Variants in DNAH9 observed in about 807,000 individuals in gnomAD.
DNAH9 encodes the protein DNAH9 variant protein.
DNAH9 carries 345 observed loss-of-function variants against 471.6 expected under a neutral mutation model. The observed-to-expected ratio is 0.73, with a 90% CI of 0.67 to 0.80. The LOEUF (loss-of-function observed/expected upper bound fraction) is 0.80. DNAH9 is among the 30% of genes least tolerant of loss of function. The probability of loss-of-function intolerance (pLI) is 0.00; values close to 1 mark genes in which losing one functional copy is unlikely to be tolerated. For synonymous variants in DNAH9, 2,093 were observed against 2,123.6 expected (o/e 0.99, Z 0.40); for missense variants, 5,407 against 5,609.2 (o/e 0.96, Z 1.15).
At chr17:11,609,504 C>T (rs2072583808) in intron 2 of DNAH9, among the ~76,000 whole-genome samples, 1 of 152,168 alleles carries the variant, frequency 6.6e-6, no homozygotes, top group Non-Finnish European at 1.5e-5. Context: ...GAATGGGTGT[C>T]TTCTTCCTTT....
chr17:11,831,504 C>T (rs1207208532), intron 48 of DNAH9, among the ~76,000 whole-genome samples: 2 of 152,070 alleles, frequency 1.3e-5, no homozygotes, highest in African/African-American at 2.4e-5. Flanking sequence ...CCACCTCCAA[C>T]ATAGGGGATC....
rs530049008 is a variant in DNAH9 at position 11,881,837 on chromosome 17, G to A, written c.10806+424G>A. Among the ~76,000 whole-genome samples the A allele has an allele frequency of 1.2e-4, 19 of 152,184 alleles. No homozygotes were observed. In the East Asian group the frequency reaches 1.4e-3, roughly 11 times the overall value. On this transcript the variant is annotated intron_variant, in intron 55 of 68. Transcript: ENST00000262442. ...TGAGGCAGGAGAATCTCTTGAACCC[G>A]GGAGACGGAGGTTGCAGTGAGCCAA...
At position 11,611,688 on chromosome 17, in the gene DNAH9, C is replaced by G; in HGVS notation, c.812C>G (p.Thr271Arg). 6.2e-7 allele frequency: 1 copy of G among 1,613,870 alleles called. No individual in the cohort carries two copies. Among genetic ancestry groups the G allele is most frequent in the Non-Finnish European group, 8.5e-7 (1 of 1,179,728 alleles). ...DLKYIYNQLR[T>R]ITVRGMAKLL... ...AAATACATCTATAATCAACTGAGAA[C>G]AATAACGGTGAGGGGCATGGCCAAG... Residue 271 changes from threonine (T) to arginine (R), a missense_variant, in exon 4 of 69, where the codon ACA becomes AGA. Thr to Arg is a moderately conservative substitution (Grantham distance 71, BLOSUM62 -1). Around this residue, in one of 3 missense-constraint regions of DNAH9, gnomAD observed 767 missense variants for 692.5 expected, o/e 1.11. Coordinates refer to ENST00000262442, the MANE Select transcript of DNAH9 (RefSeq NM_001372.4).
In DNAH9 at chr17:11,669,753, C is replaced by T; in HGVS notation, c.3312C>T (p.Ser1104=). The change falls in exon 17 of 69, where the codon AGC becomes AGT. Residue 1104 remains serine, a synonymous_variant. Transcript: ENST00000262442. ...TGCTGAATATTATTAAGAGGTGGAG[C>T]CTCCTGTTCAAACAGCATCTTGTGG... ...ASLLNIIKRW[S]LLFKQHLVDH... 1 of 1,614,118 alleles carries T rather than the reference C, an allele frequency of 6.2e-7. No homozygotes were observed.
intron 45 of DNAH9, 106 bp from the exon 46 acceptor site, chr17:11,821,814 C>A: frequency 1.5e-6 from 2 of 1,300,794 alleles, no homozygotes; most frequent in Non-Finnish European, 1.1e-6. Flanking sequence ...TGGTACATGG[C>A]CTAAAAACCA....
intron 30 of DNAH9, among the ~76,000 whole-genome samples, chr17:11,744,143 G>C (rs1051468583): frequency 1.3e-5 from 2 of 152,104 alleles, no homozygotes; most frequent in African/African-American, 4.8e-5. Flanking sequence ...GGTAGCATTT[G>C]TCATGGCTCT....
At chr17:11,679,329 A>G (rs947755320) in intron 17 of DNAH9, among the ~76,000 whole-genome samples, 3 of 152,344 alleles carry the variant, frequency 2.0e-5, no homozygotes, top group Non-Finnish European at 4.4e-5. Context: ...TTCTTTTCAC[A>G]AAGCAATGCT....
chr17:11,820,572 C>T (rs1970272233), intron 45 of DNAH9, among the ~76,000 whole-genome samples: 1 of 152,142 alleles, frequency 6.6e-6, no homozygotes, highest in Admixed American at 6.5e-5. Flanking sequence ...ATATATTCAA[C>T]AGAAATTTTT....
chr17:11,700,506 CTTTA>C (rs1213856991), intron 23 of DNAH9, among the ~76,000 whole-genome samples: 2 of 152,128 alleles, frequency 1.3e-5, no homozygotes, highest in African/African-American at 2.4e-5. Flanking sequence ...ATAAGCCTTT[CTTTA>C]TTTATTTATC....
intron 57 of DNAH9, among the ~76,000 whole-genome samples, chr17:11,889,773 G>GA (rs1972993079): frequency 6.6e-6 from 1 of 152,144 alleles, no homozygotes; most frequent in South Asian, 2.1e-4. Flanking sequence ...GTAAAAAGAT[G>GA]AAAAATACCA....
At chr17:11,879,673 T>A (rs992374388) in intron 53 of DNAH9, among the ~76,000 whole-genome samples, 11 of 152,114 alleles carry the variant, frequency 7.2e-5, no homozygotes, top group African/African-American at 2.7e-4. Context: ...TCATTTAAAA[T>A]TACATGGAAG....
intron 33 of DNAH9, among the ~76,000 whole-genome samples, chr17:11,754,074 G>T (rs931747936): frequency 3.3e-5 from 5 of 151,878 alleles, no homozygotes; most frequent in African/African-American, 1.2e-4. Context: ...TGTAGCATTT[G>T]GTCTTCTGTT....
chr17:11,847,413 A>G (rs1597728519), intron 49 of DNAH9, among the ~76,000 whole-genome samples: 1 of 152,268 alleles, frequency 6.6e-6, no homozygotes, highest in East Asian at 1.9e-4. Context: ...GTCCAGTTTT[A>G]ATCTTCTACA....
intron 49 of DNAH9, among the ~76,000 whole-genome samples, chr17:11,845,468 G>A (rs1971188769): frequency 6.6e-6 from 1 of 150,928 alleles, no homozygotes; most frequent in African/African-American, 2.5e-5. Flanking sequence ...ATAAACATAC[G>A]TGTGCATGTG....
At chr17:11,668,820 A>G (rs961214530) in intron 15 of DNAH9, among the ~76,000 whole-genome samples, 1 of 152,136 alleles carries the variant, frequency 6.6e-6, no homozygotes, top group South Asian at 2.1e-4. Context: ...ATCCTGCAGT[A>G]CCCAGGAGAG....
chr17:11,912,043 G>A (rs1326089598), intron 61 of DNAH9, among the ~76,000 whole-genome samples: 1 of 151,964 alleles, frequency 6.6e-6, no homozygotes, highest in Non-Finnish European at 1.5e-5. Flanking sequence ...TGTTGAGATG[G>A]AGTCTCGCTC....
At chr17:11,702,822 A>G (rs2074624688) in intron 24 of DNAH9, among the ~76,000 whole-genome samples, 1 of 152,030 alleles carries the variant, frequency 6.6e-6, no homozygotes, top group South Asian at 2.1e-4. Flanking sequence ...GCTGGGCGTG[A>G]TGGCTCACGC....
intron 67 of DNAH9, among the ~76,000 whole-genome samples, chr17:11,951,348 G>A (rs979668236): frequency 6.6e-6 from 1 of 152,122 alleles, no homozygotes; most frequent in Non-Finnish European, 1.5e-5. Context: ...TAGTGCTATT[G>A]TATGCACATA....
At chr17:11,788,578 C>T (rs573286861) in intron 41 of DNAH9, among the ~76,000 whole-genome samples, 6 of 152,176 alleles carry the variant, frequency 3.9e-5, no homozygotes, top group Admixed American at 1.3e-4. Flanking sequence ...TTATTTTGAC[C>T]TATTTTTGAA....
Sources: gnomAD v4.1 joint callset for allele counts (sites outside exome capture counted in the v4.1 genomes callset) on GRCh38, gnomAD v4.1.1 for gene constraint, gnomAD v4.1.1 regional missense constraint, MANE v1.5 for transcripts, NCBI Gene and HGNC (gene_info 2026-07-23, HGNC 2026-07-21) for gene names.